The following NR1I3 variants were observed in gnomAD, a reference collection of about 807,000 sequenced individuals.
NR1I3 encodes constitutive activator of retinoid response.
NR1I3 carries 30 observed loss-of-function variants against 38.4 expected under a neutral mutation model. The ratio of observed to expected loss-of-function variants is 0.78; its 90% confidence interval spans 0.58 to 1.06. The LOEUF (loss-of-function observed/expected upper bound fraction) is 1.06. Ranked by LOEUF, NR1I3 falls within the 50% of genes least tolerant of loss-of-function variation. The pLI is 0.00. For synonymous variants in NR1I3, 143 were observed against 165.1 expected, an observed-to-expected ratio of 0.87 and a Z score of 1.03; for missense variants, 388 against 435.7, an observed-to-expected ratio of 0.89 and a Z score of 0.97.
At chr1:161,234,159 AT>A (rs57947332) in intron 3 of NR1I3, among the ~76,000 whole-genome samples, 3,562 of 139,068 alleles carry the variant, frequency 0.026, 74 homozygotes, top group African/African-American at 0.064. Context: ...CGCCCTGCTA[AT>A]TTTTTTTTTT....
In NR1I3 at chr1:161,235,263, T is replaced by TC. The variant is rs1558123020; in HGVS notation, c.238+583_238+584insG. ...GGGAAGAGTGCGCTTGGTGTTTTTT[T>TC]TTTTTTTTTTTTTTTTTTTGAGTCG... On this transcript the variant is annotated intron_variant, in intron 3 of 8. Transcript: ENST00000367983. The TC allele has an allele frequency of 5.9e-5, 7 of 118,050 alleles. 2 individuals are homozygous for TC. In the East Asian group the frequency reaches 1.2e-3, roughly 20 times the overall value. The allele number at this position is 118,050 out of a possible 1,614,324, so 7.3% of individuals were successfully genotyped here.
intron 8 of NR1I3, 61 bp downstream of exon 8, chr1:161,230,752 A>G (rs1217864142): frequency 2.5e-6 from 4 of 1,609,900 alleles, no homozygotes; most frequent in Non-Finnish European, 3.4e-6. Context: ...CCCAAGCTCA[A>G]TGTTTCACCA....
At chr1:161,233,921 A>G (rs61801105) in intron 3 of NR1I3, among the ~76,000 whole-genome samples, 2 of 133,672 alleles carry the variant, frequency 1.5e-5, no homozygotes, top group Non-Finnish European at 3.2e-5. Flanking sequence ...GTATATATGT[A>G]TATATATGTG....
rs1009110287 is a variant in NR1I3 at position 161,235,490 on chromosome 1, G to C, written c.238+357C>G. 3 of 209,580 alleles carry C rather than the reference G, an allele frequency of 1.4e-5. No individual in the cohort carries two copies. The South Asian group carries it at 1.8e-4, about 12-fold the overall frequency. 13.0% of individuals were successfully genotyped at this position (209,580 alleles called of 1,614,324 possible). A position where few individuals can be genotyped will look rare whatever the true frequency, so the allele number is the denominator to read the frequency against. ...TCACTGTGTTAGCCAGAATGGTCTC[G>C]ATCTCCTGACCTCGTGATCCGCCTG... On this transcript the variant is annotated intron_variant, in intron 3 of 8. Coordinates refer to ENST00000367983, the MANE Select transcript of NR1I3 (RefSeq NM_005122.5).
chr1:161,233,936 C>G (rs61801108), intron 3 of NR1I3, among the ~76,000 whole-genome samples: 1 of 67,434 alleles, frequency 1.5e-5, no homozygotes, highest in Non-Finnish European at 2.9e-5. Flanking sequence ...TATGTGTATA[C>G]ATGTATATAT....
rs1667769011 is a variant in NR1I3 at position 161,233,317 on chromosome 1, A to G, written c.260T>C (p.Leu87Pro). The G allele has an allele frequency of 6.2e-7, 1 of 1,613,830 alleles. No homozygotes were observed. Among genetic ancestry groups the G allele is most frequent in the African/African-American group, 1.3e-5 (1 of 74,924 alleles). ...GGCCTGCTTTGCTCGCCGCAATGCC[A>G]GGGCTTCTGCCGACAGTATCACTGT... Reference protein sequence around the residue: ...RKDMILSAEALALRRAKQAQR... With the variant: ...RKDMILSAEAPALRRAKQAQR... Residue 87 changes from leucine (L) to proline (P), a missense_variant, in exon 4 of 9, where the codon CTG becomes CCG. Leu to Pro is a moderately conservative substitution (Grantham distance 98, BLOSUM62 -3). Coordinates refer to ENST00000367983, the MANE Select transcript of NR1I3 (RefSeq NM_005122.5).
At chr1:161,230,727 T>A in intron 8 of NR1I3, 86 bp downstream of exon 8, 1 of 1,580,920 alleles carries the variant, frequency 6.3e-7, no homozygotes, top group Non-Finnish European at 8.6e-7. Flanking sequence ...GAAAGGACAG[T>A]AAAAAAACAT....
At position 161,229,848 on chromosome 1, in the gene NR1I3, G is replaced by A; in HGVS notation, c.996C>T (p.His332=). ...INEAYGYQIQ[H]IQGLSAMMPL... is the part of the protein sequence containing the mutation. ...GCATCATGGCAGACAGGCCCTGGATGTGCTGGATTTGGTACCCGTAGGCCT... is the reference window on the plus strand; with the variant it reads ...GCATCATGGCAGACAGGCCCTGGATATGCTGGATTTGGTACCCGTAGGCCT... Residue 332 remains histidine (H), a synonymous_variant, in exon 9 of 9, where the codon CAC becomes CAT. Transcript: ENST00000367983. The A allele has an allele frequency of 6.2e-7, 1 of 1,614,236 alleles. No individual in the cohort carries two copies.
At chr1:161,233,637 A>T (rs1172825165) in intron 3 of NR1I3, among the ~76,000 whole-genome samples, 3 of 152,160 alleles carry the variant, frequency 2.0e-5, no homozygotes, top group Non-Finnish European at 4.4e-5. Context: ...GCTTTTGGGG[A>T]AACAGTGTAG....
At chr1:161,232,743 T>C in intron 5 of NR1I3, 64 bp downstream of exon 5, 3 of 1,526,510 alleles carry the variant, frequency 2.0e-6, no homozygotes, top group Non-Finnish European at 2.7e-6. Context: ...TCAGTGACTT[T>C]TCGGGGTGGA....
In NR1I3 at chr1:161,229,842, C is replaced by A. The variant is rs794727971; in HGVS notation, c.1002G>T (p.Gln334His). 3 of 1,614,178 alleles carry A rather than the reference C, an allele frequency of 1.9e-6. No homozygotes were observed. The highest frequency in any genetic ancestry group is 2.5e-6 in the Non-Finnish European group (3 of 1,180,040). ...GCAGCGGCATCATGGCAGACAGGCCCTGGATGTGCTGGATTTGGTACCCGT... is the reference window on the plus strand; with the variant it reads ...GCAGCGGCATCATGGCAGACAGGCCATGGATGTGCTGGATTTGGTACCCGT... ...EAYGYQIQHI[Q>H]GLSAMMPLLQ... Residue 334 changes from glutamine (Q) to histidine (H), a missense_variant, in exon 9 of 9, where the codon CAG becomes CAT. Gln to His is a conservative substitution (Grantham distance 24). Transcript: ENST00000367983.
At chr1:161,235,209 T>TCC (rs1668328826) in intron 3 of NR1I3, 2 of 148,602 alleles carry the variant, frequency 1.3e-5, no homozygotes, top group Admixed American at 6.8e-5. Context: ...GCATTTCAGG[T>TCC]AGAGGAAATG....
rs7527212 is a variant in NR1I3 at position 161,232,683 on chromosome 1, G to T, written c.548+124C>A. The T allele has an allele frequency of 0.011, 9,925 of 942,030 alleles. 649 individuals are homozygous for T. In the African/African-American group the frequency reaches 0.14, roughly 13 times the overall value. The allele number at this position is 942,030 out of a possible 1,614,324, so 58.4% of individuals were successfully genotyped here. The stretch of plus-strand genomic sequence containing the variant: ...TTGGCACATTTAAAACCAAAGCTGG[G>T]AATTCAAGACCTAATGCTTGGAAAG... On this transcript the variant is annotated intron_variant, in intron 5 of 8. Transcript: ENST00000367983.
In NR1I3 at chr1:161,236,970, A is replaced by AT. The variant is rs10629312; in HGVS notation, c.-33-373dup. Among the ~76,000 whole-genome samples the AT allele has an allele frequency of 4.0e-3, 543 of 136,466 alleles. 3 individuals carry two copies. The highest frequency in any genetic ancestry group is 0.016 in the Middle Eastern group (4 of 248). 89.5% of individuals were successfully genotyped at this position (136,466 alleles called of 152,430 possible). On this transcript the variant is annotated intron_variant, in intron 1 of 8. Transcript: ENST00000367983. ...GTTGCCCAGGTTGGTTTTTTTGTTTATTTTTTTTTGTTTATTTGTTTGTTC... is the reference window on the plus strand; with the variant it reads ...GTTGCCCAGGTTGGTTTTTTTGTTTATTTTTTTTTTGTTTATTTGTTTGTTC...
chr1:161,232,693 C>T, intron 5 of NR1I3, 114 bp downstream of exon 5: 1 of 1,040,702 alleles, frequency 9.6e-7, no homozygotes. Flanking sequence ...GAATTCAAGA[C>T]CTAATGCTTG....
intron 5 of NR1I3, 92 bp downstream of exon 5, chr1:161,232,715 G>C (rs1035174014): frequency 8.0e-7 from 1 of 1,254,308 alleles, no homozygotes; most frequent in Non-Finnish European, 1.2e-6. Flanking sequence ...AAAGGCTGAC[G>C]CATGTGATAA....
At position 161,232,069 on chromosome 1, in the gene NR1I3, C is replaced by T. The variant is rs1179646271; in HGVS notation, c.549-595G>A. On this transcript the variant is annotated intron_variant, in intron 5 of 8. Transcript: ENST00000367983. The stretch of plus-strand genomic sequence containing the variant: ...TGGCCTGATCTCGGCTACAGCAAAC[C>T]TCCGCCTCCTGGGTTCAAGTGATTC... Among the ~76,000 whole-genome samples the T allele has an allele frequency of 2.0e-5, 3 of 151,980 alleles. No homozygotes were observed. The East Asian group carries it at 5.8e-4, about 29-fold the overall frequency.
In NR1I3 at chr1:161,233,186, G is replaced by T; in HGVS notation, c.391C>A (p.Gln131Lys). Residue 131 changes from glutamine (Q) to lysine (K), a missense_variant, in exon 4 of 9, where the codon CAG becomes AAG. Coordinates refer to ENST00000367983, the MANE Select transcript of NR1I3 (RefSeq NM_005122.5). ...GTGCTCACCCTAAACTGCACAAACT[G>T]TTCAAACATGGTGCCCATGTGGCGG... ...HTRHMGTMFE[Q>K]FVQFRPPAHL... 6.2e-7 allele frequency: 1 copy of T among 1,614,192 alleles called. No homozygotes were observed. Among genetic ancestry groups the T allele is most frequent in the Non-Finnish European group, 8.5e-7 (1 of 1,180,018 alleles).
At chr1:161,236,895 T>G (rs940194962) in intron 1 of NR1I3, among the ~76,000 whole-genome samples, 2 of 149,050 alleles carry the variant, frequency 1.3e-5, no homozygotes, top group African/African-American at 5.0e-5. Context: ...TCCAGCTAAT[T>G]TTTGTTTATT....
Sources: allele counts gnomAD v4.1 joint callset (sites outside exome capture counted in the v4.1 genomes callset), GRCh38; gene constraint gnomAD v4.1.1; transcripts MANE v1.5; gene names NCBI Gene and HGNC (gene_info 2026-07-23, HGNC 2026-07-21).